TLE3: variants seen among roughly 807,000 people sequenced by gnomAD.
The protein encoded by TLE3 is transducin-like enhancer protein 3.
In TLE3, 14 loss-of-function variants were observed where a neutral mutation model predicts 93.0. The ratio of observed to expected loss-of-function variants is 0.15; its 90% CI spans 0.10 to 0.24. The LOEUF (loss-of-function observed/expected upper bound fraction) is 0.24. Ranked by LOEUF, TLE3 falls within the 10% of genes least tolerant of loss-of-function variation. The probability of loss-of-function intolerance (pLI) is 1.00; values close to 1 mark genes in which losing one functional copy is unlikely to be tolerated. For missense variants in TLE3, 693 were observed against 1,046.6 expected, an observed-to-expected ratio of 0.66 and a Z score of 4.66; for synonymous variants, 451 against 425.0, an observed-to-expected ratio of 1.06 and a Z score of -0.75.
intron 4 of TLE3, among the ~76,000 whole-genome samples, chr15:70,080,786 T>G (rs1365598355): frequency 6.6e-6 from 1 of 152,202 alleles, no homozygotes; most frequent in East Asian, 1.9e-4. Flanking sequence ...AGACTATCCT[T>G]GGCCCTTGAC....
intron 14 of TLE3, 80 bp downstream of exon 14, chr15:70,056,218 G>C (rs969420030): frequency 1.0e-5 from 15 of 1,443,554 alleles, no homozygotes; most frequent in Non-Finnish European, 1.4e-5. Context: ...CAGGGGATGA[G>C]GGGCGTTGTT....
intron 6 of TLE3, among the ~76,000 whole-genome samples, chr15:70,072,410 T>C (rs570761021): frequency 1.3e-5 from 2 of 152,150 alleles, no homozygotes; most frequent in Admixed American, 6.5e-5. Context: ...AAGAAGATGG[T>C]TGAAAGGGGA....
In TLE3 at chr15:70,057,640, G is replaced by A; in HGVS notation, c.1070C>T (p.Pro357Leu). 6.3e-7 allele frequency: 1 copy of A among 1,579,370 alleles called. No individual in the cohort carries two copies. The highest frequency in any genetic ancestry group is 1.3e-5 in the African/African-American group (1 of 74,676). ...CGCATAGGAGCTGGTGATGGAGATG[G>A]GCGTGCGCAGAGCCGAGGCTGCGAG... is the stretch of plus-strand genomic sequence containing the variant. ...MDPIASALRTPISITSSYAAP... is the reference protein window; with the variant it reads ...MDPIASALRTLISITSSYAAP... The change falls in exon 13 of 20, where the codon CCC becomes CTC. Residue 357 changes from proline (P) to leucine (L), a missense_variant. Physicochemically the swap from Pro to Leu is moderately conservative, Grantham distance 98. This residue lies in a region of TLE3 where 405 missense variants were observed against 468.9 expected (regional missense o/e 0.86). Coordinates refer to ENST00000451782, the MANE Select transcript of TLE3 (RefSeq NM_001105192.3).
chr15:70,065,586 A>T (rs996572595), intron 7 of TLE3, among the ~76,000 whole-genome samples: 1 of 152,260 alleles, frequency 6.6e-6, no homozygotes, highest in Non-Finnish European at 1.5e-5. Flanking sequence ...GGTGAGCACA[A>T]GACATTTTCC....
chr15:70,059,331 G>GA, intron 10 of TLE3, 79 bp downstream of exon 10: 1 of 1,509,540 alleles, frequency 6.6e-7, no homozygotes, highest in Non-Finnish European at 9.0e-7. Flanking sequence ...AGAACAGACA[G>GA]AATAGATCCC....
At chr15:70,068,266 CAA>C (rs1245742637) in intron 6 of TLE3, among the ~76,000 whole-genome samples, 1 of 152,186 alleles carries the variant, frequency 6.6e-6, no homozygotes, top group Non-Finnish European at 1.5e-5. Flanking sequence ...CTACACATTT[CAA>C]ATGTATTTAT....
chr15:70,080,105 AC>A (rs1217084053), intron 4 of TLE3, among the ~76,000 whole-genome samples: 1 of 151,360 alleles, frequency 6.6e-6, no homozygotes, highest in Non-Finnish European at 1.5e-5. Flanking sequence ...AACAATTGGG[AC>A]AGGTCACAAA....
chr15:70,079,095 G>A (rs770019820), intron 4 of TLE3, among the ~76,000 whole-genome samples: 7 of 151,960 alleles, frequency 4.6e-5, no homozygotes, highest in Non-Finnish European at 8.8e-5. Flanking sequence ...GTAGCCATCC[G>A]GGCCATCAGG....
At chr15:70,079,190 A>G (rs1400425825) in intron 4 of TLE3, among the ~76,000 whole-genome samples, 1 of 151,786 alleles carries the variant, frequency 6.6e-6, no homozygotes, top group Non-Finnish European at 1.5e-5. Context: ...TCCCAACACC[A>G]CAAACAAGCA....
intron 2 of TLE3, 77 bp downstream of exon 2, chr15:70,096,084 C>G: frequency 6.8e-7 from 1 of 1,475,742 alleles, no homozygotes; most frequent in Non-Finnish European, 9.1e-7. Context: ...CCCCTCCGTC[C>G]CCGCGGGGGA....
At chr15:70,060,750 G>T (rs778544595) in intron 8 of TLE3, 101 bp from the exon 9 acceptor site, 1 of 1,557,942 alleles carries the variant, frequency 6.4e-7, no homozygotes, top group Non-Finnish European at 8.7e-7. Flanking sequence ...GGTCAGGGGA[G>T]GGAAGAGAAG....
intron 5 of TLE3, among the ~76,000 whole-genome samples, chr15:70,074,865 G>A (rs2057363919): frequency 6.6e-6 from 1 of 152,216 alleles, no homozygotes; most frequent in Non-Finnish European, 1.5e-5. Context: ...GCCAAAAGAT[G>A]GCTATTAGTC....
At position 70,050,035 on chromosome 15, in the gene TLE3, G is replaced by A; in HGVS notation, c.*62C>T. On this transcript the variant is annotated 3_prime_UTR_variant, in exon 20 of 20. Transcript: ENST00000451782. Reference sequence around the variant, plus strand: ...CATCCTCGGGGCCCCTCGCCTGGGGGTCTCCCTGTCAGAGCCGAGTCGGTT... The same window carrying A: ...CATCCTCGGGGCCCCTCGCCTGGGGATCTCCCTGTCAGAGCCGAGTCGGTT... 1 of 1,465,496 alleles carries A rather than the reference G, an allele frequency of 6.8e-7. No individual in the cohort carries two copies. The highest frequency in any genetic ancestry group is 9.5e-7 in the Non-Finnish European group (1 of 1,047,374). 90.8% of individuals were successfully genotyped at this position (1,465,496 alleles called of 1,614,324 possible). A position where few individuals can be genotyped will look rare whatever the true frequency, so the allele number is the denominator to read the frequency against.
chr15:70,087,270 G>A (rs997046138), intron 4 of TLE3, among the ~76,000 whole-genome samples: 4 of 152,114 alleles, frequency 2.6e-5, no homozygotes, highest in African/African-American at 9.7e-5. Flanking sequence ...ACCCCAATTT[G>A]AGAACACAGC....
At chr15:70,066,305 T>G in intron 6 of TLE3, 87 bp from the exon 7 acceptor site, 2 of 1,205,788 alleles carry the variant, frequency 1.7e-6, no homozygotes, top group Non-Finnish European at 2.2e-6. Context: ...GGAGTGGCTC[T>G]TCCCATTCCT....
At chr15:70,051,541 G>A (rs1251382141) in intron 18 of TLE3, 74 bp from the exon 19 acceptor site, 5 of 1,330,376 alleles carry the variant, frequency 3.8e-6, no homozygotes, top group Admixed American at 2.3e-5. Context: ...CCTAGACATG[G>A]CCAGCTGCCA....
At chr15:70,081,074 AGT>A (rs1301572864) in intron 4 of TLE3, among the ~76,000 whole-genome samples, 2 of 152,218 alleles carry the variant, frequency 1.3e-5, no homozygotes, top group African/African-American at 2.4e-5. Flanking sequence ...CCCTTCAAAG[AGT>A]GTGTTATGCT....
chr15:70,069,375 C>T (rs988260867), intron 6 of TLE3, among the ~76,000 whole-genome samples: 1 of 152,126 alleles, frequency 6.6e-6, no homozygotes, highest in South Asian at 2.1e-4. Context: ...ACCAGTGAAC[C>T]GACGTCAGAA....
At chr15:70,064,593 T>A in intron 7 of TLE3, 123 bp from the exon 8 acceptor site, 1 of 1,340,692 alleles carries the variant, frequency 7.5e-7, no homozygotes, top group Non-Finnish European at 1.0e-6. Context: ...TGCACTGGTT[T>A]TAAAATGAGC....
Sources: allele counts gnomAD v4.1 joint callset (sites outside exome capture counted in the v4.1 genomes callset), GRCh38; gene constraint gnomAD v4.1.1; regional missense constraint gnomAD v4.1.1; transcripts MANE v1.5; gene names NCBI Gene and HGNC (gene_info 2026-07-23, HGNC 2026-07-21).